MAP3K9: variants seen among roughly 807,000 people sequenced by gnomAD.
The protein encoded by MAP3K9 is mitogen-activated protein kinase kinase kinase 9.
Under a neutral mutation model 95.8 loss-of-function variants are expected in MAP3K9, and 46 were observed. That is an observed-to-expected ratio of 0.48 (90% CI 0.38 to 0.61). The LOEUF is 0.61. Among genes scored for constraint, MAP3K9 ranks in the 20% least tolerant of loss-of-function variants. The pLI is 0.00. For synonymous variants in MAP3K9, 533 were observed against 593.8 expected (o/e 0.90, Z 1.49); for missense variants, 1,296 against 1,474.3 (o/e 0.88, Z 1.98).
chr14:70,773,686 T>C (rs952082235), intron 2 of MAP3K9, among the ~76,000 whole-genome samples: 2 of 152,200 alleles, frequency 1.3e-5, no homozygotes, highest in African/African-American at 4.8e-5. Context: ...CACTGTGCTA[T>C]CTGGAAAGTG....
At chr14:70,776,366 G>C (rs74065427) in intron 2 of MAP3K9, among the ~76,000 whole-genome samples, 1 of 152,026 alleles carries the variant, frequency 6.6e-6, no homozygotes, top group East Asian at 1.9e-4. Flanking sequence ...CTTGTGGCTT[G>C]CGGGGAGGGT....
intron 2 of MAP3K9, among the ~76,000 whole-genome samples, chr14:70,775,236 C>T (rs1036066477): frequency 2.0e-5 from 3 of 152,068 alleles, no homozygotes; most frequent in South Asian, 2.1e-4. Context: ...AGACACTTCA[C>T]ATCCACATTA....
At chr14:70,808,743 G>T in intron 1 of MAP3K9, 23 bp downstream of exon 1, 1 of 631,122 alleles carries the variant, frequency 1.6e-6, no homozygotes. Flanking sequence ...CCCCCTCCCC[G>T]CCCGGCCCCG....
rs2053870154 is a variant in MAP3K9, at chr14:70,729,903, TC to T, written c.*476del. The T allele has an allele frequency of 6.2e-6, 1 of 162,556 alleles. No homozygotes were observed. The highest frequency in any genetic ancestry group is 1.8e-4 in the South Asian group (1 of 5,532). 10.1% of individuals were successfully genotyped at this position (162,556 alleles called of 1,614,324 possible). ...GCTCCTATCTCGAACCAAGCCAGAT[TC>T]CCATTCCTGGGTGTTGGGGGACAGC... On this transcript the variant is annotated 3_prime_UTR_variant, in exon 12 of 12. Coordinates refer to ENST00000554752, the MANE Select transcript of MAP3K9 (RefSeq NM_001284230.2).
intron 2 of MAP3K9, chr14:70,765,583 A>G: frequency 1.9e-6 from 1 of 526,062 alleles, no homozygotes; most frequent in Non-Finnish European, 3.4e-6. Context: ...TTAGCACTGC[A>G]TTACAATTGT....
At chr14:70,791,616 C>T (rs569489499) in intron 2 of MAP3K9, among the ~76,000 whole-genome samples, 24 of 152,346 alleles carry the variant, frequency 1.6e-4, no homozygotes, top group African/African-American at 4.3e-4. Flanking sequence ...GGCCTCACTG[C>T]CTGGAACCTC....
intron 2 of MAP3K9, among the ~76,000 whole-genome samples, chr14:70,785,673 G>A (rs955649968): frequency 2.0e-5 from 3 of 152,032 alleles, no homozygotes; most frequent in Admixed American, 6.6e-5. Flanking sequence ...TGGATGACCC[G>A]GGATCATTGA....
chr14:70,740,519 C>T (rs916184366), intron 6 of MAP3K9, among the ~76,000 whole-genome samples: 7 of 152,206 alleles, frequency 4.6e-5, no homozygotes, highest in African/African-American at 1.7e-4. Context: ...ATTGGTTTCA[C>T]ATAATCTATT....
intron 2 of MAP3K9, among the ~76,000 whole-genome samples, chr14:70,778,436 T>C (rs553462180): frequency 1.3e-5 from 2 of 152,144 alleles, no homozygotes; most frequent in East Asian, 3.9e-4. Flanking sequence ...CCACCACACC[T>C]GGCTAATTTT....
In MAP3K9 at chr14:70,800,904, A is replaced by G; in HGVS notation, c.583T>C (p.Phe195Leu). Residue 195 changes from phenylalanine to leucine, a missense_variant, in exon 2 of 12, where the codon TTC becomes CTC. By Grantham distance (22) the Phe-to-Leu change is conservative. This residue lies in a region of MAP3K9 where 338 missense variants were observed against 363.4 expected (regional missense o/e 0.93). Transcript: ENST00000554752. ...IENVRQEAKL[F>L]AMLKHPNIIA... ...ATGTTGGGGTGCTTCAGCATGGCGAAGAGCTTGGCCTCTTGGCGAACATTC... is the reference window on the plus strand; with the variant it reads ...ATGTTGGGGTGCTTCAGCATGGCGAGGAGCTTGGCCTCTTGGCGAACATTC... 6.2e-7 allele frequency: 1 copy of G among 1,614,204 alleles called. No individual in the cohort carries two copies. Among genetic ancestry groups the G allele is most frequent in the Non-Finnish European group, 8.5e-7 (1 of 1,180,038 alleles).
intron 2 of MAP3K9, among the ~76,000 whole-genome samples, chr14:70,780,273 G>C (rs1371542767): frequency 6.6e-6 from 1 of 152,194 alleles, no homozygotes; most frequent in Non-Finnish European, 1.5e-5. Context: ...TGTTGGGCTG[G>C]AGGATAGAAG....
In MAP3K9 at chr14:70,775,139, A is replaced by G. The variant is rs1005413246; in HGVS notation, c.821-13957T>C. Among the ~76,000 whole-genome samples, 4 of 152,164 alleles carry G rather than the reference A, an allele frequency of 2.6e-5. No homozygotes were observed. The South Asian group carries it at 8.3e-4, about 32-fold the overall frequency. ...AAATCCAAAATCATCTAGGATAAACATGTGTTTTTGTTACTTTCATAAATT... is the reference window on the plus strand; with the variant it reads ...AAATCCAAAATCATCTAGGATAAACGTGTGTTTTTGTTACTTTCATAAATT... On this transcript the variant is annotated intron_variant, in intron 2 of 11. Coordinates refer to ENST00000554752, the MANE Select transcript of MAP3K9 (RefSeq NM_001284230.2).
chr14:70,778,086 TTTGTTGTTGTTGTTA>T (rs1385607558), intron 2 of MAP3K9, among the ~76,000 whole-genome samples: 3 of 151,592 alleles, frequency 2.0e-5, no homozygotes, highest in Non-Finnish European at 4.4e-5. Context: ...TTTTTTGTTG[TTTGTTGTTGTTGTTA>T]TTGTTGTTGT....
Position 70,733,076 on chromosome 14 carries a change from G to C in MAP3K9, c.2293C>G (p.Leu765Val). 6.2e-7 allele frequency: 1 copy of C among 1,614,124 alleles called. No homozygotes were observed. Among genetic ancestry groups the C allele is most frequent in the Non-Finnish European group, 8.5e-7 (1 of 1,180,030 alleles). ...GCGAVLAATG[L>V]GFDLLEAGKC... ...CCAGCTTCCAGCAAGTCAAACCCTA[G>C]GCCTGTGGCTGCCAGAACAGCCCCA... Residue 765 changes from leucine to valine, a missense_variant, in exon 11 of 12, where the codon CTA (leucine) becomes GTA (valine). Physicochemically the swap from Leu to Val is conservative, Grantham distance 32 (BLOSUM62 1). Transcript: ENST00000554752.
intron 2 of MAP3K9, among the ~76,000 whole-genome samples, chr14:70,784,995 G>A (rs2054729412): frequency 6.6e-6 from 1 of 152,076 alleles, no homozygotes; most frequent in African/African-American, 2.4e-5. Flanking sequence ...TGAGTCACAG[G>A]GTCCGTCCTG....
In MAP3K9 at chr14:70,742,600, T is replaced by C; in HGVS notation, c.1327-9A>G. 1 of 1,612,976 alleles carries C rather than the reference T, an allele frequency of 6.2e-7. No homozygotes were observed. The highest frequency in any genetic ancestry group is 2.2e-5 in the East Asian group (1 of 44,862). ...TCCCAGGTGCGAAGTTCCTGCAGGA[T>C]GGGCAGAACCATCAGAGAAAAGACT... On this transcript the variant is annotated splice_polypyrimidine_tract_variant and intron_variant, in intron 5 of 11. Coordinates refer to ENST00000554752, the MANE Select transcript of MAP3K9 (RefSeq NM_001284230.2).
chr14:70,748,064 G>A lies in MAP3K9; in HGVS notation c.1326+765C>T, dbSNP rs956554984. Among the ~76,000 whole-genome samples the A allele has an allele frequency of 7.2e-4, 104 of 143,722 alleles. 1 individual carries two copies. Among genetic ancestry groups the A allele is most frequent in the African/African-American group, 2.6e-3 (99 of 38,628 alleles). 94.3% of individuals were successfully genotyped at this position (143,722 alleles called of 152,430 possible). ...AGAGCCTGCAGTGAGCTGAGATCGTGCCACTGCACTTCAGCCTGGGCGACA... is the reference window on the plus strand; with the variant it reads ...AGAGCCTGCAGTGAGCTGAGATCGTACCACTGCACTTCAGCCTGGGCGACA... On this transcript the variant is annotated intron_variant, in intron 5 of 11. Coordinates refer to ENST00000554752, the MANE Select transcript of MAP3K9 (RefSeq NM_001284230.2).
rs1355173741 is a variant in MAP3K9, at chr14:70,748,930, A to C, written c.1225T>G (p.Ser409Ala). ...TCCTTGGGCATTTCAAAGAAACCAG[A>C]CTCCTCTATGGTGGTTAGCTGGTCC... ...ILDQLTTIEE[S>A]GFFEMPKDSF... Residue 409 changes from serine (S) to alanine (A), a missense_variant, in exon 5 of 12, where the codon TCT becomes GCT. Physicochemically the swap from Ser to Ala is moderately conservative, Grantham distance 99. This residue lies in a region of MAP3K9 where 136 missense variants were observed against 221.5 expected (regional missense o/e 0.61). Coordinates refer to ENST00000554752, the MANE Select transcript of MAP3K9 (RefSeq NM_001284230.2). The C allele has an allele frequency of 6.2e-7, 1 of 1,613,586 alleles. No homozygotes were observed. Among genetic ancestry groups the C allele is most frequent in the Non-Finnish European group, 8.5e-7 (1 of 1,179,892 alleles).
rs777340994 is a variant in MAP3K9 at position 70,808,915 on chromosome 14, G to A, written c.257C>T (p.Ser86Leu). The A allele has an allele frequency of 6.3e-7, 1 of 1,593,128 alleles. No individual in the cohort carries two copies. The highest frequency in any genetic ancestry group is 1.1e-5 in the South Asian group (1 of 88,304). Residue 86 changes from serine to leucine, a missense_variant, in exon 1 of 12, where the codon TCG becomes TTG. Ser to Leu is a moderately radical substitution (Grantham distance 145, BLOSUM62 -2). Coordinates refer to ENST00000554752, the MANE Select transcript of MAP3K9 (RefSeq NM_001284230.2). ...GDVVEVLSKD[S>L]QVSGDEGWWT... ...CCAGCCCTCGTCGCCGGACACCTGC[G>A]AGTCCTTGGACAGCACCTCCACCAC... is the stretch of plus-strand genomic sequence containing the variant.
Sources: allele counts gnomAD v4.1 joint callset (sites outside exome capture counted in the v4.1 genomes callset), GRCh38; gene constraint gnomAD v4.1.1; regional missense constraint gnomAD v4.1.1; transcripts MANE v1.5; gene names NCBI Gene and HGNC (gene_info 2026-07-23, HGNC 2026-07-21).